The following CDH4 variants were observed in gnomAD, a reference collection of about 807,000 sequenced individuals.
The protein encoded by CDH4 is cadherin 4, also known as cadherin-4.
Under a neutral mutation model 86.0 loss-of-function variants are expected in CDH4, and 33 were observed. That is an observed-to-expected ratio of 0.38 (90% CI 0.29 to 0.51). The LOEUF is 0.51. Among genes scored for constraint, CDH4 ranks in the 20% least tolerant of loss-of-function variants. The probability of loss-of-function intolerance (pLI) is 0.86; values close to 1 mark genes in which losing one functional copy is unlikely to be tolerated. For synonymous variants in CDH4, 555 were observed against 549.4 expected, an observed-to-expected ratio of 1.01 and a Z score of -0.14; for missense variants, 1,114 against 1,307.4, an observed-to-expected ratio of 0.85 and a Z score of 2.28.
chr20:61,332,216 G>A (rs1263473601), intron 2 of CDH4, among the ~76,000 whole-genome samples: 1 of 152,182 alleles, frequency 6.6e-6, no homozygotes, highest in East Asian at 1.9e-4. Context: ...CATCAGGAAG[G>A]AGCTAGCAAA....
chr20:61,487,016 C>T (rs1600707622), intron 2 of CDH4, among the ~76,000 whole-genome samples: 1 of 152,264 alleles, frequency 6.6e-6, no homozygotes, highest in Middle Eastern at 3.4e-3. Flanking sequence ...GCCCTGGAGT[C>T]ACAGTCAAGG....
At chr20:61,660,765 C>G (rs908931847) in intron 2 of CDH4, among the ~76,000 whole-genome samples, 1 of 152,126 alleles carries the variant, frequency 6.6e-6, no homozygotes, top group African/African-American at 2.4e-5. Context: ...TGCTTTATAC[C>G]TGGTTGTTAC....
At chr20:61,397,198 C>G (rs539508849) in intron 2 of CDH4, among the ~76,000 whole-genome samples, 53 of 152,310 alleles carry the variant, frequency 3.5e-4, no homozygotes, top group African/African-American at 1.2e-3. Context: ...GTGTGCACCA[C>G]CGCAACTGGC....
chr20:61,856,819 G>T (rs554129662), intron 6 of CDH4, among the ~76,000 whole-genome samples: 2 of 152,344 alleles, frequency 1.3e-5, no homozygotes, highest in South Asian at 4.1e-4. Flanking sequence ...TGAGCAGGAG[G>T]CAGACCCCAC....
intron 2 of CDH4, among the ~76,000 whole-genome samples, chr20:61,614,769 GT>G (rs999327173): frequency 2.6e-5 from 4 of 152,136 alleles, no homozygotes; most frequent in African/African-American, 9.7e-5. Flanking sequence ...TCAAAATTCA[GT>G]GAGGGGGTGA....
intron 2 of CDH4, among the ~76,000 whole-genome samples, chr20:61,598,709 A>T (rs1027030502): frequency 6.6e-6 from 1 of 152,088 alleles, no homozygotes; most frequent in East Asian, 1.9e-4. Context: ...GCCAGATCTC[A>T]TCGTGTTTCT....
intron 2 of CDH4, among the ~76,000 whole-genome samples, chr20:61,545,176 C>A (rs1039768925): frequency 2.6e-5 from 4 of 152,346 alleles, no homozygotes; most frequent in Admixed American, 1.3e-4. Context: ...ATCGGGACAA[C>A]GTGGCTGTTT....
At chr20:61,545,829 TATGTGTGTGTGTGGAGGGGTATGTGTGC>T (rs1235224565) in intron 2 of CDH4, among the ~76,000 whole-genome samples, 1 of 140,346 alleles carries the variant, frequency 7.1e-6, no homozygotes, top group Non-Finnish European at 1.6e-5. Context: ...CACATGTGTG[TATGTGTGTGTGTGGAGGGGTATGTGTGC>T]ATGTGTGTAG....
intron 2 of CDH4, among the ~76,000 whole-genome samples, chr20:61,581,171 C>T (rs1400045432): frequency 1.3e-5 from 2 of 152,190 alleles, no homozygotes; most frequent in African/African-American, 4.8e-5. Flanking sequence ...CTCACCCAGG[C>T]AGGGGACCAG....
intron 2 of CDH4, among the ~76,000 whole-genome samples, chr20:61,644,024 GGGGTCAGGGGATGGAAAATTACAGACA>G (rs1227879158): frequency 6.6e-6 from 1 of 152,238 alleles, no homozygotes; most frequent in Non-Finnish European, 1.5e-5. Flanking sequence ...AGCAGAGTGA[GGGGTCAGGGGATGGAAAATTACAGACA>G]GGAACAGGAT....
chr20:61,690,710 C>T (rs1033355464), intron 2 of CDH4, among the ~76,000 whole-genome samples: 1 of 152,168 alleles, frequency 6.6e-6, no homozygotes, highest in Non-Finnish European at 1.5e-5. Context: ...GACCACCCCC[C>T]ACCCACCGAC....
intron 2 of CDH4, among the ~76,000 whole-genome samples, chr20:61,488,066 A>G (rs989676627): frequency 3.3e-5 from 5 of 152,348 alleles, no homozygotes; most frequent in African/African-American, 9.6e-5. Flanking sequence ...GGCAAAGACA[A>G]TCACTCAGTG....
chr20:61,481,279 T>C (rs1244261637), intron 2 of CDH4, among the ~76,000 whole-genome samples: 1 of 152,172 alleles, frequency 6.6e-6, no homozygotes, highest in Non-Finnish European at 1.5e-5. Flanking sequence ...CTGGTGAACG[T>C]CCTGCAACAC....
intron 2 of CDH4, among the ~76,000 whole-genome samples, chr20:61,637,673 T>C (rs1265217968): frequency 2.0e-5 from 3 of 152,226 alleles, no homozygotes; most frequent in Admixed American, 1.3e-4. Context: ...CCATATAAAA[T>C]ATTAGCTTTG....
chr20:61,618,912 G>A (rs1450592271), intron 2 of CDH4, among the ~76,000 whole-genome samples: 3 of 152,196 alleles, frequency 2.0e-5, no homozygotes, highest in African/African-American at 7.2e-5. Context: ...AGAGCGTGCA[G>A]GCTGGCTTAC....
intron 15 of CDH4, among the ~76,000 whole-genome samples, chr20:61,934,990 C>CCAT (rs1458292402): frequency 6.6e-6 from 1 of 152,252 alleles, no homozygotes; most frequent in Admixed American, 6.5e-5. Context: ...TTCCCGTCTT[C>CCAT]CATCTTCCTT....
At chr20:61,398,151 A>G (rs913031553) in intron 2 of CDH4, among the ~76,000 whole-genome samples, 13 of 152,224 alleles carry the variant, frequency 8.5e-5, no homozygotes, top group African/African-American at 2.9e-4. Context: ...CAAGCGTATC[A>G]GTCTTGGTTA....
chr20:61,872,649 A>C (rs6089535), intron 6 of CDH4, among the ~76,000 whole-genome samples: 1 of 152,050 alleles, frequency 6.6e-6, no homozygotes, highest in Non-Finnish European at 1.5e-5. Flanking sequence ...GAGCTTCCAG[A>C]GTTCTGGGGC....
intron 4 of CDH4, among the ~76,000 whole-genome samples, chr20:61,814,698 A>G (rs2146052974): frequency 6.6e-6 from 1 of 152,370 alleles, no homozygotes; most frequent in East Asian, 1.9e-4. Context: ...TGATCTCGTC[A>G]TGCTTCTCCA....
Sources: allele counts gnomAD v4.1 joint callset (sites outside exome capture counted in the v4.1 genomes callset), GRCh38; gene constraint gnomAD v4.1.1; transcripts MANE v1.5; gene names NCBI Gene and HGNC (gene_info 2026-07-23, HGNC 2026-07-21).